Variants in WWOX observed in about 807,000 individuals in gnomAD.
The protein encoded by WWOX is WW domain-containing oxidoreductase.
A neutral mutation model predicts 46.2 loss-of-function variants in WWOX; 69 were observed. The observed-to-expected ratio is 1.49, with a 90% CI of 1.23 to 1.82. WWOX has a LOEUF of 1.82. Ranked by LOEUF, WWOX falls within the 40% of genes most tolerant of loss-of-function variation. WWOX has a pLI of 0.00. For missense variants in WWOX, 919 were observed against 542.6 expected, an observed-to-expected ratio of 1.69 and a Z score of -6.89; for synonymous variants, 359 against 202.6, an observed-to-expected ratio of 1.77 and a Z score of -6.56.
At chr16:78,199,308 A>C (rs2036156192) in intron 5 of WWOX, among the ~76,000 whole-genome samples, 1 of 131,946 alleles carries the variant, frequency 7.6e-6, no homozygotes, top group South Asian at 2.6e-4. Flanking sequence ...GCGAGACTCC[A>C]TCTCAAACAA....
intron 8 of WWOX, among the ~76,000 whole-genome samples, chr16:78,673,588 C>A (rs1000486327): frequency 6.6e-6 from 1 of 152,140 alleles, no homozygotes; most frequent in African/African-American, 2.4e-5. Context: ...CGTTGGCAGG[C>A]ACCCATTAGT....
chr16:78,717,836 C>T (rs991032721), intron 8 of WWOX, among the ~76,000 whole-genome samples: 1 of 152,102 alleles, frequency 6.6e-6, no homozygotes, highest in Non-Finnish European at 1.5e-5. Flanking sequence ...ATTTATATTT[C>T]CCTCTCTGTC....
chr16:79,045,233 A>G (rs1019814816), intron 8 of WWOX, among the ~76,000 whole-genome samples: 1 of 152,236 alleles, frequency 6.6e-6, no homozygotes, highest in East Asian at 1.9e-4. Context: ...ACCTCATTTC[A>G]GCAAGAGCTT....
At chr16:78,982,204 C>T (rs1313567141) in intron 8 of WWOX, among the ~76,000 whole-genome samples, 2 of 152,140 alleles carry the variant, frequency 1.3e-5, no homozygotes, top group Non-Finnish European at 2.9e-5. Context: ...GCACACACGC[C>T]TAAGAAATAG....
intron 5 of WWOX, among the ~76,000 whole-genome samples, chr16:78,227,592 A>T (rs1320237224): frequency 2.0e-5 from 3 of 152,074 alleles, no homozygotes; most frequent in South Asian, 2.1e-4. Flanking sequence ...AGAAACATAC[A>T]AGGGCCGGAT....
chr16:78,710,129 A>T (rs181752552), intron 8 of WWOX, among the ~76,000 whole-genome samples: 2 of 151,958 alleles, frequency 1.3e-5, no homozygotes, highest in African/African-American at 2.4e-5. Context: ...TCCTACAGGG[A>T]TGTCTGCCTC....
chr16:78,713,442 C>T (rs78077266), intron 8 of WWOX, among the ~76,000 whole-genome samples: 7,838 of 152,022 alleles, frequency 0.052, 332 homozygotes, highest in Non-Finnish European at 0.07. Flanking sequence ...TTATGTGTCC[C>T]CAAAATTCAT....
chr16:79,096,430 G>A (rs2049075443), intron 8 of WWOX, among the ~76,000 whole-genome samples: 1 of 151,986 alleles, frequency 6.6e-6, no homozygotes, highest in Non-Finnish European at 1.5e-5. Flanking sequence ...GGTTCCAGCT[G>A]TGCGGGCCTC....
chr16:78,099,926 C>A (rs532214535), intron 1 of WWOX, 41 bp downstream of exon 1: 1 of 1,545,700 alleles, frequency 6.5e-7, no homozygotes. Flanking sequence ...ACCTGGGACC[C>A]TGCACAGCCC....
chr16:78,163,477 G>T (rs1350647960), intron 4 of WWOX, among the ~76,000 whole-genome samples: 1 of 152,162 alleles, frequency 6.6e-6, no homozygotes, highest in Admixed American at 6.5e-5. Flanking sequence ...ATTGCCAAAA[G>T]CTCAGCCCAT....
intron 8 of WWOX, among the ~76,000 whole-genome samples, chr16:78,884,303 A>G (rs1028656947): frequency 6.7e-6 from 1 of 148,218 alleles, no homozygotes; most frequent in African/African-American, 2.5e-5. Context: ...ACAAAAGACC[A>G]TTTTTAAGAC....
chr16:78,432,141 C>T (rs183513040), intron 7 of WWOX, among the ~76,000 whole-genome samples: 157 of 149,306 alleles, frequency 1.1e-3, no homozygotes, highest in Middle Eastern at 3.5e-3. Flanking sequence ...TTTTTGAGAC[C>T]GAGTCTAGCT....
At chr16:78,664,035 A>G (rs2047275456) in intron 8 of WWOX, among the ~76,000 whole-genome samples, 1 of 152,170 alleles carries the variant, frequency 6.6e-6, no homozygotes, top group South Asian at 2.1e-4. Flanking sequence ...CAGGTGACAT[A>G]ATTTGAATCA....
intron 8 of WWOX, among the ~76,000 whole-genome samples, chr16:78,683,400 C>T (rs1372135881): frequency 6.6e-6 from 1 of 151,396 alleles, no homozygotes; most frequent in African/African-American, 2.4e-5. Flanking sequence ...AAAATTTAGG[C>T]GTGGTGGTGT....
At chr16:78,895,180 G>A (rs906991337) in intron 8 of WWOX, among the ~76,000 whole-genome samples, 15 of 152,136 alleles carry the variant, frequency 9.9e-5, no homozygotes, top group African/African-American at 2.7e-4. Flanking sequence ...TAGCATCAAC[G>A]GCTTTAAAAT....
At chr16:78,375,013 G>C (rs985525083) in intron 5 of WWOX, among the ~76,000 whole-genome samples, 1 of 152,140 alleles carries the variant, frequency 6.6e-6, no homozygotes, top group Admixed American at 6.5e-5. Context: ...TGGTATTATG[G>C]TGGGAACCCA....
chr16:78,326,932 A>G (rs1025796280), intron 5 of WWOX, among the ~76,000 whole-genome samples: 2 of 152,184 alleles, frequency 1.3e-5, no homozygotes, highest in African/African-American at 2.4e-5. Flanking sequence ...AACACATAAA[A>G]TGTTTACTTT....
intron 8 of WWOX, among the ~76,000 whole-genome samples, chr16:79,176,256 A>T (rs998093915): frequency 6.6e-6 from 1 of 152,220 alleles, no homozygotes; most frequent in Non-Finnish European, 1.5e-5. Flanking sequence ...GCTACGTTCC[A>T]CAAAGTGACT....
At chr16:78,362,298 G>C (rs79313051) in intron 5 of WWOX, among the ~76,000 whole-genome samples, 4,586 of 152,116 alleles carry the variant, frequency 0.03, 207 homozygotes, top group African/African-American at 0.098. Context: ...GTGATGATGG[G>C]TATGTGAAGC....
Sources: gnomAD v4.1 joint callset for allele counts (sites outside exome capture counted in the v4.1 genomes callset) on GRCh38, gnomAD v4.1.1 for gene constraint, MANE v1.5 for transcripts, NCBI Gene and HGNC (gene_info 2026-07-23, HGNC 2026-07-21) for gene names.